Variants in LARS2 observed in about 807,000 individuals in gnomAD.
LARS2 encodes the protein leucine--tRNA ligase, mitochondrial.
Under a neutral mutation model 116.6 loss-of-function variants are expected in LARS2, and 81 were observed. That is an observed-to-expected ratio of 0.69 (90% confidence interval 0.58 to 0.84). The LOEUF (loss-of-function observed/expected upper bound fraction) is 0.84, where lower values mean the gene tolerates loss of function less well. Ranked by LOEUF, LARS2 falls within the 40% of genes least tolerant of loss-of-function variation. LARS2 has a pLI of 0.00. For synonymous variants in LARS2, 396 were observed against 407.2 expected (o/e 0.97, Z 0.33); for missense variants, 968 against 1,114.5 (o/e 0.87, Z 1.87).
At chr3:45,431,713 A>C (rs1324414695) in intron 6 of LARS2, among the ~76,000 whole-genome samples, 3 of 152,144 alleles carry the variant, frequency 2.0e-5, no homozygotes, top group East Asian at 3.8e-4. Context: ...ACCAAAAAAA[A>C]AAAATCAGTT....
chr3:45,491,949 C>T, intron 13 of LARS2, 149 bp downstream of exon 13: 6 of 747,744 alleles, frequency 8.0e-6, no homozygotes, highest in Non-Finnish European at 1.3e-5. Context: ...GTCTTTGGGG[C>T]CCTTTAAGAG....
At chr3:45,453,209 T>C (rs1263457671) in intron 7 of LARS2, among the ~76,000 whole-genome samples, 3 of 152,204 alleles carry the variant, frequency 2.0e-5, no homozygotes, top group Non-Finnish European at 4.4e-5. Flanking sequence ...TCTACTAATT[T>C]TGGGTTTGGT....
intron 8 of LARS2, among the ~76,000 whole-genome samples, chr3:45,468,245 T>C (rs1248920518): frequency 6.6e-6 from 1 of 152,200 alleles, no homozygotes; most frequent in Non-Finnish European, 1.5e-5. Context: ...ATTCAATCTA[T>C]AGGGAGGCTT....
At position 45,530,926 on chromosome 3, in the gene LARS2, C is replaced by T. The variant is rs533250913; in HGVS notation, c.2404+6818C>T. ...TTTCCCCAAAATCACCATGACATTT[C>T]AATTGAAATGTGGTTAAACTTAGAA... On this transcript the variant is annotated intron_variant, in intron 20 of 21. Transcript: ENST00000645846. 1.5e-4 allele frequency among the ~76,000 whole-genome samples: 23 copies of T among 152,310 alleles called. No homozygotes were observed. In the South Asian group the frequency reaches 3.5e-3, roughly 23 times the overall value.
intron 19 of LARS2, among the ~76,000 whole-genome samples, chr3:45,521,909 A>G (rs574995483): frequency 2.0e-5 from 3 of 152,052 alleles, no homozygotes; most frequent in African/African-American, 7.2e-5. Context: ...GGAGTTTGAG[A>G]CCAGCCTGGG....
intron 17 of LARS2, among the ~76,000 whole-genome samples, chr3:45,517,597 G>A (rs528201913): frequency 3.3e-5 from 5 of 152,160 alleles, no homozygotes; most frequent in African/African-American, 9.7e-5. Context: ...TAATCAAGGC[G>A]GCGGGGCACC....
At chr3:45,400,441 G>T in intron 4 of LARS2, 68 bp downstream of exon 4, 1 of 1,469,222 alleles carries the variant, frequency 6.8e-7, no homozygotes, top group Non-Finnish European at 9.1e-7. Flanking sequence ...AGTAATATGT[G>T]TTCAAGACAA....
rs1185344160 is a variant in LARS2, at chr3:45,473,690, TG to T, written c.751-552del. ...TGAGCCACTGCACCTGGCCTGTTGTTGTTTTTTTTTTTTTTTTATCACACAT... is the reference window on the plus strand; with the variant it reads ...TGAGCCACTGCACCTGGCCTGTTGTTTTTTTTTTTTTTTTTTATCACACAT... On this transcript the variant is annotated intron_variant, in intron 8 of 21. Coordinates refer to ENST00000645846, the MANE Select transcript of LARS2 (RefSeq NM_015340.4). Among the ~76,000 whole-genome samples the T allele has an allele frequency of 2.9e-3, 416 of 145,838 alleles. 2 individuals are homozygous for T. Among genetic ancestry groups the T allele is most frequent in the African/African-American group, 0.011 (389 of 37,012 alleles).
chr3:45,520,305 C>T lies in LARS2; in HGVS notation c.2292+9C>T. On this transcript the variant is annotated intron_variant, in intron 19 of 21. Transcript: ENST00000645846. ...TCAGCAATGCCCTCTCGGTAAGTGG[C>T]CTGTCCTCATTTGCTGGTAGCAGAG... The T allele has an allele frequency of 5.0e-6, 8 of 1,608,132 alleles. No individual in the cohort carries two copies. The highest frequency in any genetic ancestry group is 6.0e-6 in the Non-Finnish European group (7 of 1,174,714).
chr3:45,405,111 G>GT (rs967031901), intron 4 of LARS2, among the ~76,000 whole-genome samples: 300 of 144,214 alleles, frequency 2.1e-3, no homozygotes, highest in Middle Eastern at 3.6e-3. Context: ...AGCATGTCAA[G>GT]TTTTTTTTTT....
chr3:45,437,386 C>T (rs1347715719), intron 6 of LARS2, among the ~76,000 whole-genome samples: 1 of 152,176 alleles, frequency 6.6e-6, no homozygotes, highest in Non-Finnish European at 1.5e-5. Flanking sequence ...ATTAATTACC[C>T]TGATATTAAC....
intron 4 of LARS2, among the ~76,000 whole-genome samples, chr3:45,410,996 A>G (rs1415248895): frequency 6.6e-6 from 1 of 152,222 alleles, no homozygotes; most frequent in Non-Finnish European, 1.5e-5. Context: ...CTGGATTGGG[A>G]TATGTCCAGT....
At chr3:45,464,857 A>C (rs77203308) in intron 8 of LARS2, among the ~76,000 whole-genome samples, 94 of 152,264 alleles carry the variant, frequency 6.2e-4, no homozygotes, top group African/African-American at 2.0e-3. Context: ...TTTGGTGATG[A>C]TGATGCTGCT....
intron 7 of LARS2, among the ~76,000 whole-genome samples, chr3:45,451,063 A>G (rs775778955): frequency 2.0e-5 from 3 of 151,508 alleles, no homozygotes; most frequent in African/African-American, 2.4e-5. Flanking sequence ...GTTTTTTGCT[A>G]TTGAGTTGTT....
intron 12 of LARS2, among the ~76,000 whole-genome samples, chr3:45,489,212 A>G (rs1028176719): frequency 2.0e-5 from 3 of 152,224 alleles, no homozygotes; most frequent in African/African-American, 7.2e-5. Flanking sequence ...AGGGAAGTTC[A>G]GAGTCATGTT....
At position 45,432,505 on chromosome 3, in the gene LARS2, T is replaced by C. The variant is rs187546556; in HGVS notation, c.516+12776T>C. ...GTAACAGGAGGAAAATTGGAAAATT[T>C]GCATATTTGTGTAATTAAACAACAC... is the stretch of plus-strand genomic sequence containing the variant. On this transcript the variant is annotated intron_variant, in intron 6 of 21. Transcript: ENST00000645846. Among the ~76,000 whole-genome samples the C allele has an allele frequency of 2.4e-4, 37 of 152,176 alleles. 1 individual carries two copies. In the East Asian group the frequency reaches 6.4e-3, roughly 26 times the overall value.
At chr3:45,442,082 T>C (rs1698922421) in intron 6 of LARS2, among the ~76,000 whole-genome samples, 1 of 152,242 alleles carries the variant, frequency 6.6e-6, no homozygotes, top group Admixed American at 6.5e-5. Context: ...CCAATGCTTT[T>C]GTAGCTATAA....
intron 18 of LARS2, among the ~76,000 whole-genome samples, chr3:45,518,605 T>G (rs1007542219): frequency 1.3e-5 from 2 of 152,178 alleles, no homozygotes; most frequent in East Asian, 1.9e-4. Context: ...GTCCTCCACA[T>G]AGTGAGGACT....
In LARS2 at chr3:45,474,236, T is replaced by C. The variant is rs1427652256; in HGVS notation, c.751-7T>C. The C allele has an allele frequency of 1.9e-6, 3 of 1,573,914 alleles. No homozygotes were observed. The highest frequency in any genetic ancestry group is 1.7e-5 in the Admixed American group (1 of 59,174). On this transcript the variant is annotated splice_region_variant and splice_polypyrimidine_tract_variant and intron_variant, in intron 8 of 21. Transcript: ENST00000645846. ...TCTACTTCTTTGTTCTCCTTTCATT[T>C]GCACAGGCCATGCAGGACGCGTTGG... is the stretch of plus-strand genomic sequence containing the variant.
Sources: allele counts gnomAD v4.1 joint callset (sites outside exome capture counted in the v4.1 genomes callset), GRCh38; gene constraint gnomAD v4.1.1; transcripts MANE v1.5; gene names NCBI Gene and HGNC (gene_info 2026-07-23, HGNC 2026-07-21).